Variants in PLPP4 observed in about 807,000 individuals in gnomAD.
The protein encoded by PLPP4 is diacylglycerol pyrophosphate like 2.
Under a neutral mutation model 32.2 loss-of-function variants are expected in PLPP4, and 20 were observed. The ratio of observed to expected loss-of-function variants is 0.62; its 90% CI spans 0.44 to 0.90. The LOEUF (loss-of-function observed/expected upper bound fraction) is 0.90, where lower values mean the gene tolerates loss of function less well. Ranked by LOEUF, PLPP4 falls within the 40% of genes least tolerant of loss-of-function variation. The pLI is 0.00. For missense variants in PLPP4, 257 were observed against 353.1 expected, an observed-to-expected ratio of 0.73 and a Z score of 2.18; for synonymous variants, 127 against 133.0, an observed-to-expected ratio of 0.95 and a Z score of 0.31.
At position 120,556,051 on chromosome 10, in the gene PLPP4, C is replaced by T. The variant is rs955028639; in HGVS notation, c.446-19080C>T. Among the ~76,000 whole-genome samples, 81 of 152,346 alleles carry T rather than the reference C, an allele frequency of 5.3e-4. 1 individual carries two copies. Among genetic ancestry groups the T allele is most frequent in the Non-Finnish European group, 2.1e-4 (14 of 68,038 alleles). ...AAGTGGTAAGGCCTGTTAGATCACA[C>T]ACTCCATTCTGTGACTATTGCCAGA... On this transcript the variant is annotated intron_variant, in intron 5 of 6. Transcript: ENST00000398250.
rs114106410 is a variant in PLPP4 at position 120,548,222 on chromosome 10, C to G, written c.446-26909C>G. On this transcript the variant is annotated intron_variant, in intron 5 of 6. Transcript: ENST00000398250. ...AATAGGTGTTTTTTTGATCCTCACCCTCCTCCCACCCTTCACCCTCAAATA... is the reference window on the plus strand; with the variant it reads ...AATAGGTGTTTTTTTGATCCTCACCGTCCTCCCACCCTTCACCCTCAAATA... Among the ~76,000 whole-genome samples the G allele has an allele frequency of 8.6e-3, 1,310 of 152,168 alleles. 25 individuals carry two copies. Among genetic ancestry groups the G allele is most frequent in the African/African-American group, 0.03 (1,259 of 41,516 alleles).
rs1848378354 is a variant in PLPP4 at position 120,467,382 on chromosome 10, G to A, written c.56+10021G>A. Among the ~76,000 whole-genome samples, 2 of 64,350 alleles carry A rather than the reference G, an allele frequency of 3.1e-5. 1 individual carries two copies. The allele number at this position is 64,350 out of a possible 152,430, so 42.2% of individuals were successfully genotyped here. A position where few individuals can be genotyped will look rare whatever the true frequency, so the allele number is the denominator to read the frequency against. On this transcript the variant is annotated intron_variant, in intron 1 of 6. Coordinates refer to ENST00000398250, the MANE Select transcript of PLPP4 (RefSeq NM_001030059.3). ...TGGGATTACAGGCGTGAGCCACCGC[G>A]CCCGGCCTGTGTAGGTATATTTTAA...
intron 5 of PLPP4, among the ~76,000 whole-genome samples, chr10:120,559,008 G>A (rs185165092): frequency 3.1e-4 from 47 of 152,158 alleles, no homozygotes; most frequent in Admixed American, 3.9e-4. Context: ...CAGTCTTGTC[G>A]GCACCTAACA....
intron 5 of PLPP4, among the ~76,000 whole-genome samples, chr10:120,574,881 A>G (rs1453408794): frequency 6.6e-6 from 1 of 152,224 alleles, no homozygotes; most frequent in Non-Finnish European, 1.5e-5. Context: ...AGACTCCTGA[A>G]GTAACTATTG....
chr10:120,490,996 C>T (rs1844694496), intron 1 of PLPP4, among the ~76,000 whole-genome samples: 1 of 152,222 alleles, frequency 6.6e-6, no homozygotes, highest in African/African-American at 2.4e-5. Context: ...GAGCCCCTAT[C>T]TCTGCTCAGG....
chr10:120,588,671 C>A (rs1254155643), intron 6 of PLPP4, among the ~76,000 whole-genome samples: 1 of 152,172 alleles, frequency 6.6e-6, no homozygotes, highest in Non-Finnish European at 1.5e-5. Context: ...GGCTTGAATT[C>A]TTCTTCCAGA....
intron 6 of PLPP4, among the ~76,000 whole-genome samples, chr10:120,579,228 G>A (rs911201738): frequency 1.3e-5 from 2 of 152,122 alleles, no homozygotes; most frequent in African/African-American, 2.4e-5. Flanking sequence ...TCTAATCATA[G>A]GTCATTTTAA....
intron 1 of PLPP4, among the ~76,000 whole-genome samples, chr10:120,496,600 G>A (rs547578613): frequency 1.3e-5 from 2 of 152,256 alleles, no homozygotes; most frequent in South Asian, 4.2e-4. Context: ...CCAATTCCAC[G>A]ATCTGTTGTG....
At chr10:120,565,760 T>G (rs192370730) in intron 5 of PLPP4, among the ~76,000 whole-genome samples, 1 of 152,162 alleles carries the variant, frequency 6.6e-6, no homozygotes. Context: ...ATATTTCTTC[T>G]TCTCCATTTT....
intron 1 of PLPP4, among the ~76,000 whole-genome samples, chr10:120,501,318 T>C (rs1356470215): frequency 6.6e-6 from 1 of 152,262 alleles, no homozygotes; most frequent in Non-Finnish European, 1.5e-5. Context: ...TTTCATGTCT[T>C]AAAAACACTT....
intron 1 of PLPP4, among the ~76,000 whole-genome samples, chr10:120,466,705 C>T (rs928005569): frequency 6.6e-6 from 1 of 152,020 alleles, no homozygotes; most frequent in Non-Finnish European, 1.5e-5. Flanking sequence ...GAAGTGACAC[C>T]CTGACTTTGC....
At chr10:120,498,654 C>CT (rs11287636) in intron 1 of PLPP4, among the ~76,000 whole-genome samples, 76 of 143,416 alleles carry the variant, frequency 5.3e-4, no homozygotes, top group African/African-American at 6.4e-4. Context: ...CTCTTCTATT[C>CT]TTTTTTTTTT....
At chr10:120,476,711 A>C (rs1045104516) in intron 1 of PLPP4, among the ~76,000 whole-genome samples, 1 of 152,162 alleles carries the variant, frequency 6.6e-6, no homozygotes, top group African/African-American at 2.4e-5. Flanking sequence ...CTCTACCTCT[A>C]CTTGTATTAC....
Position 120,584,449 on chromosome 10 carries a change from A to T in PLPP4, c.617-4854A>T, listed in dbSNP as rs79662423. The stretch of plus-strand genomic sequence containing the variant: ...TTCAGCCTGTGTCCTAGGCTTGGCC[A>T]TCATGCCCGACCCCTGATACGTATG... On this transcript the variant is annotated intron_variant, in intron 6 of 6. Coordinates refer to ENST00000398250, the MANE Select transcript of PLPP4 (RefSeq NM_001030059.3). Among the ~76,000 whole-genome samples the T allele has an allele frequency of 5.5e-3, 833 of 152,364 alleles. 7 individuals carry two copies. Among genetic ancestry groups the T allele is most frequent in the Non-Finnish European group, 9.5e-3 (648 of 68,036 alleles).
intron 5 of PLPP4, among the ~76,000 whole-genome samples, chr10:120,540,994 G>A (rs1056111139): frequency 6.6e-6 from 1 of 152,168 alleles, no homozygotes; most frequent in Non-Finnish European, 1.5e-5. Context: ...TAAATACCAT[G>A]ACCATTCATT....
rs1589915842 is a variant in PLPP4 at position 120,575,364 on chromosome 10, G to A, written c.616+63G>A. The A allele has an allele frequency of 2.6e-6, 4 of 1,530,048 alleles. No homozygotes were observed. The East Asian group carries it at 9.1e-5, about 35-fold the overall frequency. The allele number at this position is 1,530,048 out of a possible 1,614,324, so 94.8% of individuals were successfully genotyped here. ...GGTTGCCCCTCTCCTCCAGGGATGG[G>A]TGTAGAAATGCACCAATTGTGGGGA... On this transcript the variant is annotated intron_variant, in intron 6 of 6. Coordinates refer to ENST00000398250, the MANE Select transcript of PLPP4 (RefSeq NM_001030059.3).
At chr10:120,551,292 G>A (rs1589865092) in intron 5 of PLPP4, among the ~76,000 whole-genome samples, 1 of 152,174 alleles carries the variant, frequency 6.6e-6, no homozygotes, top group African/African-American at 2.4e-5. Context: ...TGTATAAATT[G>A]TTACTGCCAC....
At chr10:120,584,438 T>C (rs10886717) in intron 6 of PLPP4, among the ~76,000 whole-genome samples, 12,256 of 152,310 alleles carry the variant, frequency 0.08, 741 homozygotes, top group South Asian at 0.31. Context: ...GCCTGTGTCC[T>C]AGGCTTGGCC....
Position 120,569,335 on chromosome 10 carries a change from G to A in PLPP4, c.446-5796G>A, listed in dbSNP as rs113844999. ...CAGTGCCTCCAGCCAGTTGACAAAA[G>A]GACAGCCACCTTCCTCCCGCTATCA... is the stretch of plus-strand genomic sequence containing the variant. On this transcript the variant is annotated intron_variant, in intron 5 of 6. Coordinates refer to ENST00000398250, the MANE Select transcript of PLPP4 (RefSeq NM_001030059.3). Among the ~76,000 whole-genome samples the A allele has an allele frequency of 2.2e-3, 329 of 152,058 alleles. 2 individuals carry two copies. The highest frequency in any genetic ancestry group is 7.5e-3 in the African/African-American group (313 of 41,500).
Sources: gnomAD v4.1 joint callset for allele counts (sites outside exome capture counted in the v4.1 genomes callset) on GRCh38, gnomAD v4.1.1 for gene constraint, MANE v1.5 for transcripts, NCBI Gene and HGNC (gene_info 2026-07-23, HGNC 2026-07-21) for gene names.